RRN3: variants seen among roughly 807,000 people sequenced by gnomAD.
The protein encoded by RRN3 is RNA polymerase I transcription factor RRN3, also known as RNA polymerase I-specific transcription initiation factor RRN3.
In RRN3, 38 loss-of-function variants were observed where a neutral mutation model predicts 82.3. The ratio of observed to expected loss-of-function variants is 0.46; its 90% CI spans 0.36 to 0.61. The LOEUF is 0.61. Among genes scored for constraint, RRN3 ranks in the 20% least tolerant of loss-of-function variants. RRN3 has a pLI of 0.00. For synonymous variants in RRN3, 284 were observed against 284.3 expected (o/e 1.00, Z 0.01); for missense variants, 726 against 793.1 (o/e 0.92, Z 1.02).
chr16:15,068,962 A>G (rs1389044676), intron 14 of RRN3, among the ~76,000 whole-genome samples: 1 of 152,244 alleles, frequency 6.6e-6, no homozygotes, highest in African/African-American at 2.4e-5. Flanking sequence ...GTCACAGCTT[A>G]CAAAAACAAG....
intron 3 of RRN3, 33 bp from the exon 4 acceptor site, chr16:15,086,487 C>G (rs961578292): frequency 6.2e-6 from 10 of 1,609,298 alleles, no homozygotes; most frequent in African/African-American, 1.3e-5. Context: ...TTCAAAATCA[C>G]AAATCCTCTA....
In RRN3 at chr16:15,060,064, C is replaced by T. The variant is rs894593047; in HGVS notation, c.*1680G>A. The stretch of plus-strand genomic sequence containing the variant: ...GAGGTACCTTTTATTGGTATAAGAA[C>T]GTAAGTTCCAGATTAACCATGTCAT... On this transcript the variant is annotated 3_prime_UTR_variant, in exon 18 of 18. Transcript: ENST00000198767. 2.6e-5 allele frequency: 7 copies of T among 267,012 alleles called. No individual in the cohort carries two copies. Among genetic ancestry groups the T allele is most frequent in the African/African-American group, 9.3e-5 (4 of 43,042 alleles). The allele number at this position is 267,012 out of a possible 1,614,324, so 16.5% of individuals were successfully genotyped here.
At chr16:15,093,087 C>A (rs1447028069) in intron 1 of RRN3, among the ~76,000 whole-genome samples, 6 of 152,048 alleles carry the variant, frequency 3.9e-5, no homozygotes, top group Non-Finnish European at 8.8e-5. Context: ...TAACTGCAAC[C>A]TCCATCTCCC....
At position 15,073,044 on chromosome 16, in the gene RRN3, C is replaced by T. The variant is rs202026016; in HGVS notation, c.1034G>A (p.Arg345His). 12 of 1,612,294 alleles carry T rather than the reference C, an allele frequency of 7.4e-6. No homozygotes were observed. The highest frequency in any genetic ancestry group is 2.2e-5 in the East Asian group (1 of 44,882). Reference sequence around the variant, plus strand: ...TTTGTCAAAGATGTTTATCAGGTCGCGATATAGATCCTTTGTTTTGCCGTT... The same window carrying T: ...TTTGTCAAAGATGTTTATCAGGTCGTGATATAGATCCTTTGTTTTGCCGTT... ...VDNGKTKDLYRDLINIFDKLL... is the reference protein window; with the variant it reads ...VDNGKTKDLYHDLINIFDKLL... The change falls in exon 12 of 18, where the codon CGC (arginine) becomes CAC (histidine). Residue 345 changes from arginine to histidine, a missense_variant. By Grantham distance (29) the Arg-to-His change is conservative. Coordinates refer to ENST00000198767, the MANE Select transcript of RRN3 (RefSeq NM_018427.5).
chr16:15,076,572 C>T lies in RRN3; in HGVS notation c.844G>A (p.Gly282Arg), dbSNP rs531963820. ...QTCGGTDSTE[G>R]LFNMDEDEET... The stretch of plus-strand genomic sequence containing the variant: ...AAACTGCTAACCATATTAAACAATC[C>T]TTCCGTGGAATCTGTCCCACCACAA... The change falls in exon 10 of 18, where the codon GGA (glycine) becomes AGA (arginine). Residue 282 changes from glycine (G) to arginine (R), a missense_variant. Gly to Arg is a moderately radical substitution (Grantham distance 125). Transcript: ENST00000198767. 1.9e-6 allele frequency: 3 copies of T among 1,610,780 alleles called. No homozygotes were observed. In the South Asian group the frequency reaches 3.3e-5, roughly 18 times the overall value.
At chr16:15,064,693 G>A (rs2044880616) in intron 16 of RRN3, among the ~76,000 whole-genome samples, 2 of 152,226 alleles carry the variant, frequency 1.3e-5, no homozygotes, top group South Asian at 4.1e-4. Context: ...GTGAGGCAAA[G>A]ATCTACCCAC....
chr16:15,088,420 T>A lies in RRN3; in HGVS notation c.253-1966A>T, dbSNP rs530905929. ...AGGTTGAGGCTGCAGTGAGCCATGA[T>A]CGGGCCCATTACACTCCAGCCCGGG... On this transcript the variant is annotated intron_variant, in intron 3 of 17. Transcript: ENST00000198767. Among the ~76,000 whole-genome samples the A allele has an allele frequency of 1.2e-4, 18 of 152,104 alleles. 1 individual carries two copies. The South Asian group carries it at 3.5e-3, about 30-fold the overall frequency.
chr16:15,085,502 G>C, intron 6 of RRN3, 137 bp downstream of exon 6: 2 of 1,061,404 alleles, frequency 1.9e-6, no homozygotes, highest in South Asian at 1.6e-5. Flanking sequence ...TTTTTTTGCA[G>C]AGACAAGGTC....
intron 1 of RRN3, 55 bp downstream of exon 1, chr16:15,094,090 G>A (rs761538535): frequency 4.1e-6 from 6 of 1,478,952 alleles, no homozygotes; most frequent in Non-Finnish European, 5.6e-6. Flanking sequence ...GCTCCTCTAA[G>A]CGCCGTCCTG....
At chr16:15,091,899 C>T (rs532020259) in intron 2 of RRN3, among the ~76,000 whole-genome samples, 1 of 152,292 alleles carries the variant, frequency 6.6e-6, no homozygotes, top group South Asian at 2.1e-4. Context: ...ATGCTGTAGG[C>T]CAGGCATGGT....
At chr16:15,089,685 A>C (rs1376803430) in intron 3 of RRN3, among the ~76,000 whole-genome samples, 1 of 147,670 alleles carries the variant, frequency 6.8e-6, no homozygotes, top group Non-Finnish European at 1.5e-5. Context: ...GTGTAGTCTC[A>C]GCTACTTGGG....
At position 15,089,543 on chromosome 16, in the gene RRN3, C is replaced by G. The variant is rs538218012; in HGVS notation, c.252+1772G>C. Among the ~76,000 whole-genome samples the G allele has an allele frequency of 2.0e-3, 303 of 151,462 alleles. 1 individual carries two copies. Among genetic ancestry groups the G allele is most frequent in the Middle Eastern group, 3.4e-3 (1 of 292 alleles). On this transcript the variant is annotated intron_variant, in intron 3 of 17. Transcript: ENST00000198767. ...TGGCCGGGCGTGGTTACTCACGCCT[C>G]TAATCCCAGCACTTTGGGAGGCCAA...
At chr16:15,072,047 A>G (rs1027612748) in intron 12 of RRN3, among the ~76,000 whole-genome samples, 13 of 152,140 alleles carry the variant, frequency 8.5e-5, no homozygotes, top group African/African-American at 2.9e-4. Flanking sequence ...TATGCCAATC[A>G]TGGAAAAAAA....
intron 8 of RRN3, among the ~76,000 whole-genome samples, chr16:15,081,116 C>A (rs1274834753): frequency 2.6e-5 from 4 of 152,160 alleles, no homozygotes; most frequent in Non-Finnish European, 4.4e-5. Flanking sequence ...GTCTGTTCAT[C>A]AGTTGACAGA....
upstream of RRN3, chr16:15,094,298 C>G: frequency 7.2e-7 from 1 of 1,383,324 alleles, no homozygotes. Flanking sequence ...GCCACAGCCT[C>G]TGTCCCGGAA....
At chr16:15,072,837 G>A in intron 12 of RRN3, 113 bp downstream of exon 12, 1 of 1,073,620 alleles carries the variant, frequency 9.3e-7, no homozygotes, top group Non-Finnish European at 1.4e-6. Flanking sequence ...TAGCAAGTAA[G>A]CTCAAAGAAA....
At chr16:15,072,436 G>C (rs919370443) in intron 12 of RRN3, among the ~76,000 whole-genome samples, 1 of 152,146 alleles carries the variant, frequency 6.6e-6, no homozygotes, top group East Asian at 1.9e-4. Flanking sequence ...GTGACCAAAA[G>C]GCAGGATGAC....
chr16:15,088,254 C>T (rs1384239835), intron 3 of RRN3, among the ~76,000 whole-genome samples: 1 of 152,114 alleles, frequency 6.6e-6, no homozygotes, highest in Non-Finnish European at 1.5e-5. Context: ...CAGGAGGAGA[C>T]TGCTTGAGCC....
chr16:15,066,752 G>T (rs1297753417), intron 15 of RRN3, among the ~76,000 whole-genome samples: 4 of 151,120 alleles, frequency 2.6e-5, no homozygotes, highest in African/African-American at 9.7e-5. Context: ...GTGTCAATAT[G>T]GTTCAATCTC....
Sources: allele counts gnomAD v4.1 joint callset (sites outside exome capture counted in the v4.1 genomes callset), GRCh38; gene constraint gnomAD v4.1.1; transcripts MANE v1.5; gene names NCBI Gene and HGNC (gene_info 2026-07-23, HGNC 2026-07-21).